The following VPS13B variants were observed in gnomAD, a reference collection of about 807,000 sequenced individuals.
The protein encoded by VPS13B is vacuolar protein sorting 13 homolog B.
In VPS13B, 285 loss-of-function variants were observed where a neutral mutation model predicts 426.4. The observed-to-expected ratio is 0.67, with a 90% CI of 0.61 to 0.74. The LOEUF (loss-of-function observed/expected upper bound fraction) is 0.74, where lower values mean the gene tolerates loss of function less well. Among genes scored for constraint, VPS13B ranks in the 30% least tolerant of loss-of-function variants. The probability of loss-of-function intolerance (pLI) is 0.00; values close to 1 mark genes in which losing one functional copy is unlikely to be tolerated. For synonymous variants in VPS13B, 1,676 were observed against 1,676.4 expected, an observed-to-expected ratio of 1.00 and a Z score of 0.01; for missense variants, 4,537 against 4,782.6, an observed-to-expected ratio of 0.95 and a Z score of 1.51.
At chr8:99,790,536 C>G (rs929748192) in intron 43 of VPS13B, among the ~76,000 whole-genome samples, 3 of 152,030 alleles carry the variant, frequency 2.0e-5, no homozygotes, top group African/African-American at 7.2e-5. Context: ...GATATCATTG[C>G]AGTAGTTCAG....
chr8:99,493,149 T>C (rs1820705435), intron 25 of VPS13B, among the ~76,000 whole-genome samples: 1 of 152,248 alleles, frequency 6.6e-6, no homozygotes, highest in African/African-American at 2.4e-5. Flanking sequence ...AGATTGAGGT[T>C]GCTAATTGTT....
intron 34 of VPS13B, among the ~76,000 whole-genome samples, chr8:99,656,890 C>G (rs1830038118): frequency 1.3e-5 from 2 of 152,338 alleles, no homozygotes; most frequent in South Asian, 4.1e-4. Context: ...GCCACCAGCC[C>G]TATCCTGCAT....
At chr8:99,359,489 C>G (rs1812375508) in intron 19 of VPS13B, among the ~76,000 whole-genome samples, 1 of 151,902 alleles carries the variant, frequency 6.6e-6, no homozygotes, top group African/African-American at 2.4e-5. Flanking sequence ...AATGCAGATA[C>G]CACAATGAAA....
chr8:99,614,819 T>G (rs1450909883), intron 33 of VPS13B, among the ~76,000 whole-genome samples: 4 of 152,188 alleles, frequency 2.6e-5, no homozygotes, highest in Non-Finnish European at 5.9e-5. Flanking sequence ...AGTTTCATGT[T>G]AAAAAATTTA....
chr8:99,152,597 A>G (rs1362216038), intron 14 of VPS13B, among the ~76,000 whole-genome samples: 3 of 152,246 alleles, frequency 2.0e-5, no homozygotes, highest in Admixed American at 6.5e-5. Context: ...GAAGTCTCCA[A>G]CCAAAACAGT....
At chr8:99,123,517 G>A (rs543567255) in intron 8 of VPS13B, among the ~76,000 whole-genome samples, 5 of 152,206 alleles carry the variant, frequency 3.3e-5, no homozygotes, top group Middle Eastern at 3.4e-3. Flanking sequence ...TATTTGGCCA[G>A]TTTTTAGAAG....
rs765299191 is a variant in VPS13B at position 99,819,593 on chromosome 8, T to A, written c.8792+11T>A. 1 of 1,612,808 alleles carries A rather than the reference T, an allele frequency of 6.2e-7. No individual in the cohort carries two copies. The highest frequency in any genetic ancestry group is 1.1e-5 in the South Asian group (1 of 90,964). On this transcript the variant is annotated intron_variant, in intron 48 of 61. Coordinates refer to ENST00000357162, the MANE Select transcript of VPS13B (RefSeq NM_152564.5). The stretch of plus-strand genomic sequence containing the variant: ...GAAGGATTCTGACAGGTAATATTCT[T>A]CAGTGATCTTTTTCTACAAAAATTT...
intron 39 of VPS13B, among the ~76,000 whole-genome samples, chr8:99,757,044 T>C (rs1169306815): frequency 6.6e-6 from 1 of 152,216 alleles, no homozygotes; most frequent in Non-Finnish European, 1.5e-5. Flanking sequence ...TTGTATCTTG[T>C]AGAGGGCTAT....
chr8:99,698,309 C>T (rs1165594567), intron 35 of VPS13B, among the ~76,000 whole-genome samples: 1 of 152,132 alleles, frequency 6.6e-6, no homozygotes, highest in Non-Finnish European at 1.5e-5. Flanking sequence ...AGGAAGGTGC[C>T]CCCTTGTGTG....
intron 27 of VPS13B, among the ~76,000 whole-genome samples, chr8:99,504,970 C>A (rs1821417056): frequency 6.6e-6 from 1 of 152,214 alleles, no homozygotes; most frequent in Non-Finnish European, 1.5e-5. Flanking sequence ...TAACTTGCTG[C>A]CACTTATCCT....
intron 34 of VPS13B, among the ~76,000 whole-genome samples, chr8:99,649,825 C>T (rs986392780): frequency 1.3e-5 from 2 of 152,176 alleles, no homozygotes; most frequent in Admixed American, 1.3e-4. Flanking sequence ...CTTCACTGTG[C>T]ACCACAATAT....
chr8:99,651,486 A>T (rs1829811157), intron 34 of VPS13B, among the ~76,000 whole-genome samples: 1 of 152,130 alleles, frequency 6.6e-6, no homozygotes, highest in Admixed American at 6.6e-5. Context: ...TCTTTTTAGA[A>T]ATATTAGACT....
At chr8:99,782,269 T>G (rs531001663) in intron 42 of VPS13B, among the ~76,000 whole-genome samples, 64 of 152,258 alleles carry the variant, frequency 4.2e-4, no homozygotes, top group Admixed American at 4.2e-3. Context: ...TTTCGTTTGT[T>G]TATTTCCTAA....
At chr8:99,705,295 A>T (rs996039712) in intron 36 of VPS13B, among the ~76,000 whole-genome samples, 2 of 152,188 alleles carry the variant, frequency 1.3e-5, no homozygotes, top group Non-Finnish European at 2.9e-5. Flanking sequence ...AAGTAAAATT[A>T]TCTTAACTTT....
At chr8:99,797,098 A>C (rs969521715) in intron 43 of VPS13B, 1 of 152,224 alleles carries the variant, frequency 6.6e-6, no homozygotes, top group Non-Finnish European at 1.5e-5. Context: ...GAAGATGGAC[A>C]TGAATATGGT....
intron 54 of VPS13B, among the ~76,000 whole-genome samples, chr8:99,838,244 G>A (rs947188864): frequency 2.0e-5 from 3 of 152,176 alleles, no homozygotes; most frequent in Non-Finnish European, 4.4e-5. Flanking sequence ...TCATACCCAT[G>A]ATTTGATAGT....
At chr8:99,475,031 T>C (rs1389970051) in intron 24 of VPS13B, among the ~76,000 whole-genome samples, 1 of 152,152 alleles carries the variant, frequency 6.6e-6, no homozygotes, top group Non-Finnish European at 1.5e-5. Flanking sequence ...GAATTATTGA[T>C]AAAATGCAAA....
chr8:99,586,585 A>G (rs186838101), intron 33 of VPS13B, among the ~76,000 whole-genome samples: 1 of 152,272 alleles, frequency 6.6e-6, no homozygotes, highest in African/African-American at 2.4e-5. Flanking sequence ...GATTAATCAA[A>G]TGCATGTTAA....
At chr8:99,515,806 C>T (rs1822038721) in intron 29 of VPS13B, among the ~76,000 whole-genome samples, 1 of 152,090 alleles carries the variant, frequency 6.6e-6, no homozygotes, top group Non-Finnish European at 1.5e-5. Flanking sequence ...CTATTTCTTA[C>T]TCTTACCCTA....
Sources: allele counts gnomAD v4.1 joint callset (sites outside exome capture counted in the v4.1 genomes callset), GRCh38; gene constraint gnomAD v4.1.1; transcripts MANE v1.5; gene names NCBI Gene and HGNC (gene_info 2026-07-23, HGNC 2026-07-21).